IL20RA: variants seen among roughly 807,000 people sequenced by gnomAD.
The protein encoded by IL20RA is interleukin-20 receptor subunit alpha.
Under a neutral mutation model 36.5 loss-of-function variants are expected in IL20RA, and 29 were observed. That is an observed-to-expected ratio of 0.79 (90% CI 0.59 to 1.08). The LOEUF (loss-of-function observed/expected upper bound fraction) is 1.08. IL20RA is among the 50% of genes least tolerant of loss of function. The pLI is 0.00. For missense variants in IL20RA, 652 were observed against 668.4 expected, an observed-to-expected ratio of 0.98 and a Z score of 0.27; for synonymous variants, 279 against 267.1, an observed-to-expected ratio of 1.04 and a Z score of -0.43.
At chr6:137,011,866 A>T (rs1195118029) in intron 2 of IL20RA, among the ~76,000 whole-genome samples, 1 of 152,200 alleles carries the variant, frequency 6.6e-6, no homozygotes, top group African/African-American at 2.4e-5. Flanking sequence ...CTTGGAAGAA[A>T]AATTACTTTG....
intron 1 of IL20RA, among the ~76,000 whole-genome samples, chr6:137,036,258 T>C (rs994633300): frequency 1.3e-5 from 2 of 152,220 alleles, no homozygotes; most frequent in African/African-American, 2.4e-5. Context: ...TTTTCCACCA[T>C]AGATGCCAAG....
chr6:137,044,376 T>G, intron 1 of IL20RA: 4 of 896,494 alleles, frequency 4.5e-6, no homozygotes, highest in Admixed American at 6.9e-5. Flanking sequence ...CCACCCCACC[T>G]CAATTCTCGA....
intron 1 of IL20RA, among the ~76,000 whole-genome samples, chr6:137,036,748 T>A (rs1461885694): frequency 6.6e-6 from 1 of 152,194 alleles, no homozygotes. Flanking sequence ...GTTGCATTAT[T>A]TTAAGCCACC....
chr6:137,007,797 A>G (rs1775330049), intron 5 of IL20RA, among the ~76,000 whole-genome samples: 1 of 152,248 alleles, frequency 6.6e-6, no homozygotes, highest in Non-Finnish European at 1.5e-5. Context: ...ACCCTCATGC[A>G]GCCAATTAGT....
intron 1 of IL20RA, among the ~76,000 whole-genome samples, chr6:137,023,957 A>G (rs276484): frequency 0.82 from 124,843 of 152,096 alleles, 56,574 homozygotes; most frequent in East Asian, 1. Context: ...AGCCAGATAC[A>G]GTGGCAGGCA....
intron 5 of IL20RA, among the ~76,000 whole-genome samples, chr6:137,008,219 C>G (rs891509147): frequency 6.6e-6 from 1 of 152,196 alleles, no homozygotes; most frequent in Non-Finnish European, 1.5e-5. Flanking sequence ...CCCTCCTTGG[C>G]CTCCCAAAGT....
chr6:137,008,852 C>G, intron 4 of IL20RA, 109 bp from the exon 5 acceptor site: 1 of 349,422 alleles, frequency 2.9e-6, no homozygotes, highest in Non-Finnish European at 5.1e-6. Context: ...TAATTCTTTA[C>G]TATCAGTATA....
chr6:137,012,219 G>C (rs1582822597), intron 2 of IL20RA, among the ~76,000 whole-genome samples: 1 of 152,188 alleles, frequency 6.6e-6, no homozygotes, highest in Non-Finnish European at 1.5e-5. Flanking sequence ...CAGTGGTCCA[G>C]GGGAAGATGT....
At position 137,009,445 on chromosome 6, in the gene IL20RA, T is replaced by C. The variant is rs762662503; in HGVS notation, c.451A>G (p.Ile151Val). Residue 151 changes from isoleucine (I) to valine (V), a missense_variant, in exon 4 of 7, where the codon ATT becomes GTT. Ile to Val is a conservative substitution (Grantham distance 29, BLOSUM62 3). Coordinates refer to ENST00000316649, the MANE Select transcript of IL20RA (RefSeq NM_014432.4). Reference protein sequence around the residue: ...EVALTTDEKSISVVLTAPEKW... With the variant: ...EVALTTDEKSVSVVLTAPEKW... Reference sequence around the variant, plus strand: ...TCTGGAGCTGTCAGGACAACAGAAATGGACTTCTCATCTGTAGTCAGTGCC... The same window carrying C: ...TCTGGAGCTGTCAGGACAACAGAAACGGACTTCTCATCTGTAGTCAGTGCC... The C allele has an allele frequency of 1.2e-6, 2 of 1,612,960 alleles. No individual in the cohort carries two copies. The highest frequency in any genetic ancestry group is 1.3e-5 in the African/African-American group (1 of 74,866).
chr6:137,044,701 G>T lies in IL20RA; in HGVS notation c.28C>A (p.Arg10=). Residue 10 remains arginine, a synonymous_variant, in exon 1 of 7, where the codon CGG becomes AGG. Coordinates refer to ENST00000316649, the MANE Select transcript of IL20RA (RefSeq NM_014432.4). MRAPGRPAL[R]PLPLPPLLLL... is the part of the protein sequence containing the mutation. ...AGCAGCGGCGGCAGCGGCAGCGGCC[G>T]CAGGGCCGGGCGGCCGGGAGCCCGC... is the stretch of plus-strand genomic sequence containing the variant. 8 of 1,221,566 alleles carry T rather than the reference G, an allele frequency of 6.5e-6. No homozygotes were observed. The highest frequency in any genetic ancestry group is 8.1e-6 in the Non-Finnish European group (8 of 981,724). The allele number at this position is 1,221,566 out of a possible 1,614,324, so 75.7% of individuals were successfully genotyped here.
intron 1 of IL20RA, among the ~76,000 whole-genome samples, chr6:137,028,936 C>A (rs1344957590): frequency 1.3e-5 from 2 of 152,162 alleles, no homozygotes; most frequent in South Asian, 4.1e-4. Context: ...ATCACCCAAA[C>A]TTGTGGAAAG....
Position 137,004,724 on chromosome 6 carries a change from C to T in IL20RA, c.761G>A (p.Trp254Ter), listed in dbSNP as rs1775216848. 1 of 1,599,644 alleles carries T rather than the reference C, an allele frequency of 6.3e-7. No individual in the cohort carries two copies. Among genetic ancestry groups the T allele is most frequent in the Non-Finnish European group, 8.5e-7 (1 of 1,176,228 alleles). Reference protein sequence around the residue: ...SSEFKAKIIFWYVLPVSITVF... With the variant: ...SSEFKAKIIF ...GGTAATAGATACGGGCAAAACATAC[C>T]AGAAGATGATTTTAGCCTTGAACTC... The change falls in exon 6 of 7, where the codon TGG (tryptophan) becomes TAG (stop). Residue 254 changes from tryptophan to a stop codon, truncating the protein, a stop_gained. Transcript: ENST00000316649. LOFTEE classifies it high-confidence loss of function.
At chr6:137,012,210 A>T (rs1211627592) in intron 2 of IL20RA, among the ~76,000 whole-genome samples, 4 of 152,196 alleles carry the variant, frequency 2.6e-5, no homozygotes, top group Non-Finnish European at 4.4e-5. Context: ...AGGACACTAC[A>T]GTGGTCCAGG....
intron 5 of IL20RA, among the ~76,000 whole-genome samples, chr6:137,007,602 T>C (rs1341950967): frequency 1.3e-5 from 2 of 152,228 alleles, no homozygotes; most frequent in Non-Finnish European, 2.9e-5. Flanking sequence ...CTCCTCTCAC[T>C]GTGAAGGCAG....
chr6:137,012,521 C>T (rs990859484), intron 2 of IL20RA, among the ~76,000 whole-genome samples: 2 of 152,078 alleles, frequency 1.3e-5, no homozygotes, highest in African/African-American at 4.8e-5. Flanking sequence ...TTAGAGATAT[C>T]CCACTGCAGA....
intron 2 of IL20RA, among the ~76,000 whole-genome samples, chr6:137,014,466 GTCAA>G (rs1775604800): frequency 6.6e-6 from 1 of 152,044 alleles, no homozygotes; most frequent in Admixed American, 6.5e-5. Context: ...AATAAAAGTA[GTCAA>G]TTCAATGTGC....
chr6:137,018,769 A>C (rs1775797413), intron 1 of IL20RA, among the ~76,000 whole-genome samples: 1 of 152,234 alleles, frequency 6.6e-6, no homozygotes, highest in African/African-American at 2.4e-5. Context: ...AGGAGGCAGC[A>C]CATTGAGTAT....
In IL20RA at chr6:137,044,852, G is replaced by T. The variant is rs1163910107; in HGVS notation, c.-124C>A. 1.1e-6 allele frequency: 1 copy of T among 932,706 alleles called. No homozygotes were observed. Among genetic ancestry groups the T allele is most frequent in the Non-Finnish European group, 1.4e-6 (1 of 726,866 alleles). The allele number at this position is 932,706 out of a possible 1,614,324, so 57.8% of individuals were successfully genotyped here. On this transcript the variant is annotated 5_prime_UTR_variant, in exon 1 of 7. Coordinates refer to ENST00000316649, the MANE Select transcript of IL20RA (RefSeq NM_014432.4). ...GGGCTCTGCGTGCCACGCTCCAGGC[G>T]ACCTGAGTCCCAGGGCGCCTCCGCC...
At chr6:137,025,536 C>A (rs1776055880) in intron 1 of IL20RA, among the ~76,000 whole-genome samples, 1 of 152,218 alleles carries the variant, frequency 6.6e-6, no homozygotes, top group Non-Finnish European at 1.5e-5. Flanking sequence ...ATTCTTCTAG[C>A]CCAGCTTCAT....
Sources: gnomAD v4.1 joint callset for allele counts (sites outside exome capture counted in the v4.1 genomes callset) on GRCh38, gnomAD v4.1.1 for gene constraint, MANE v1.5 for transcripts, NCBI Gene and HGNC (gene_info 2026-07-23, HGNC 2026-07-21) for gene names.